Variants in LXN observed in about 807,000 individuals in gnomAD.
LXN encodes the protein MUM.
LXN carries 28 observed loss-of-function variants against 29.8 expected under a neutral mutation model. The observed-to-expected ratio is 0.94, with a 90% CI of 0.70 to 1.29. LXN has a LOEUF of 1.29. Ranked by LOEUF, LXN falls within the 50% of genes most tolerant of loss-of-function variation. The probability of loss-of-function intolerance (pLI) is 0.00; values close to 1 mark genes in which losing one functional copy is unlikely to be tolerated. For synonymous variants in LXN, 77 were observed against 89.6 expected, an observed-to-expected ratio of 0.86 and a Z score of 0.80; for missense variants, 227 against 261.7, an observed-to-expected ratio of 0.87 and a Z score of 0.92.
Position 158,669,579 on chromosome 3 carries a change from A to C in LXN, c.224T>G (p.Leu75Arg). Residue 75 changes from leucine to arginine, a missense_variant, in exon 3 of 6, where the codon CTT becomes CGT. Leu to Arg is a moderately radical substitution (Grantham distance 102). Coordinates refer to ENST00000264265, the MANE Select transcript of LXN (RefSeq NM_020169.4). ...QVKVNCTAEVLYPSTGQETAP... is the reference protein window; with the variant it reads ...QVKVNCTAEVRYPSTGQETAP... ...AGTTTCTTGTCCCGTTGAAGGGTAA[A>C]GTACTTCAGCTGTGCAGTTCACCTT... The C allele has an allele frequency of 6.2e-7, 1 of 1,613,996 alleles. No individual in the cohort carries two copies. The highest frequency in any genetic ancestry group is 8.5e-7 in the Non-Finnish European group (1 of 1,179,930).
At position 158,669,441 on chromosome 3, in the gene LXN, T is replaced by C; in HGVS notation, c.362A>G (p.Asn121Ser). 6.2e-7 allele frequency: 1 copy of C among 1,610,198 alleles called. No individual in the cohort carries two copies. The highest frequency in any genetic ancestry group is 1.7e-4 in the Middle Eastern group (1 of 6,046). ...KSMKEPLEAQ[N>S]IPDNFGNVSP... The stretch of plus-strand genomic sequence containing the variant: ...ATGCCATATTTATATACCTGGAATA[T>C]TTTGTGCTTCTAGCGGTTCCTTCAT... Residue 121 changes from asparagine (N) to serine (S), a missense_variant, in exon 3 of 6, where the codon AAT becomes AGT. Asn to Ser is a conservative substitution (Grantham distance 46). Transcript: ENST00000264265.
intron 2 of LXN, among the ~76,000 whole-genome samples, chr3:158,670,671 G>C (rs1230148764): frequency 6.6e-6 from 1 of 152,234 alleles, no homozygotes; most frequent in African/African-American, 2.4e-5. Context: ...CAGCAAAGAT[G>C]ATCTGGAATA....
At chr3:158,671,357 C>T (rs1026869796) in intron 1 of LXN, among the ~76,000 whole-genome samples, 1 of 152,178 alleles carries the variant, frequency 6.6e-6, no homozygotes, top group Non-Finnish European at 1.5e-5. Flanking sequence ...CTAAAGATGA[C>T]AATATCACCT....
rs1724423100 is a variant in LXN, at chr3:158,672,409, GGTAGTTGAT to G, written c.61_69del (p.Ile21_Tyr23del). On this transcript the variant is annotated inframe_deletion, in exon 1 of 6. Transcript: ENST00000264265. ...AACACCCTGTGCGGGGTCCCCTGCTGGTAGTTGATGTAGTTCTGTGCCACCAAGGCCGCC... is the reference window on the plus strand; with the variant it reads ...AACACCCTGTGCGGGGTCCCCTGCTGGTAGTTCTGTGCCACCAAGGCCGCC... The G allele has an allele frequency of 6.2e-7, 1 of 1,613,974 alleles. No homozygotes were observed. Among genetic ancestry groups the G allele is most frequent in the South Asian group, 1.1e-5 (1 of 91,084 alleles).
intron 4 of LXN, among the ~76,000 whole-genome samples, chr3:158,667,821 C>T (rs1210853700): frequency 6.6e-6 from 1 of 152,076 alleles, no homozygotes; most frequent in Non-Finnish European, 1.5e-5. Flanking sequence ...AACCAGAACA[C>T]CTGAGAATAG....
chr3:158,667,866 A>C (rs1390647387), intron 4 of LXN, among the ~76,000 whole-genome samples: 1 of 152,220 alleles, frequency 6.6e-6, no homozygotes, highest in Non-Finnish European at 1.5e-5. Flanking sequence ...TGATTGTGTA[A>C]TTAAAGCTTT....
chr3:158,668,305 A>G (rs966961915), intron 4 of LXN, among the ~76,000 whole-genome samples: 1 of 152,204 alleles, frequency 6.6e-6, no homozygotes. Context: ...TGTTATATAA[A>G]TAGTTGTTAT....
intron 2 of LXN, 39 bp from the exon 3 acceptor site, chr3:158,669,649 G>A: frequency 2.6e-6 from 4 of 1,547,890 alleles, no homozygotes; most frequent in Non-Finnish European, 3.5e-6. Flanking sequence ...TATACAGAAG[G>A]CTATTCATTA....
rs1270405596 is a variant in LXN at position 158,669,618 on chromosome 3, A to C, written c.193-8T>G. On this transcript the variant is annotated splice_polypyrimidine_tract_variant and splice_region_variant and intron_variant, in intron 2 of 5. Coordinates refer to ENST00000264265, the MANE Select transcript of LXN (RefSeq NM_020169.4). Reference sequence around the variant, plus strand: ...GCAGTTCACCTTAACTTGCTGTTTGAAATTTAGCAAAATATCCTTATATAC... The same window carrying C: ...GCAGTTCACCTTAACTTGCTGTTTGCAATTTAGCAAAATATCCTTATATAC... 1 of 1,611,714 alleles carries C rather than the reference A, an allele frequency of 6.2e-7. No homozygotes were observed. Among genetic ancestry groups the C allele is most frequent in the Non-Finnish European group, 8.5e-7 (1 of 1,178,796 alleles).
chr3:158,672,288 G>A, intron 1 of LXN, 62 bp downstream of exon 1: 2 of 1,595,974 alleles, frequency 1.3e-6, no homozygotes, highest in East Asian at 2.3e-5. Context: ...CTGAGACCGC[G>A]GGTGAGTGGA....
rs1162719075 is a variant in LXN, at chr3:158,669,755, T to C, written c.193-145A>G. 5 of 733,096 alleles carry C rather than the reference T, an allele frequency of 6.8e-6. No homozygotes were observed. The African/African-American group carries it at 9.0e-5, about 13-fold the overall frequency. The allele number at this position is 733,096 out of a possible 1,614,324, so 45.4% of individuals were successfully genotyped here. ...AGTGCTTGTTTTCAGAGGTATCTAA[T>C]TGGGCCTGGCCTATTAAATTCTAGA... On this transcript the variant is annotated intron_variant, in intron 2 of 5. Coordinates refer to ENST00000264265, the MANE Select transcript of LXN (RefSeq NM_020169.4).
Position 158,672,218 on chromosome 3 carries a change from G to A in LXN, c.129+132C>T, listed in dbSNP as rs1194472823. The A allele has an allele frequency of 5.5e-6, 6 of 1,096,760 alleles. No individual in the cohort carries two copies. The South Asian group carries it at 8.7e-5, about 16-fold the overall frequency. The allele number at this position is 1,096,760 out of a possible 1,614,324, so 67.9% of individuals were successfully genotyped here. A position where few individuals can be genotyped will look rare whatever the true frequency, so the allele number is the denominator to read the frequency against. ...CTTAATATCTCAAGACCAGATACCA[G>A]CAGTGTGTCCTAAAACAGAAGGTGG... On this transcript the variant is annotated intron_variant, in intron 1 of 5. Coordinates refer to ENST00000264265, the MANE Select transcript of LXN (RefSeq NM_020169.4).
chr3:158,669,750 T>C (rs1413629825), intron 2 of LXN, 140 bp from the exon 3 acceptor site: 1 of 760,016 alleles, frequency 1.3e-6, no homozygotes, highest in African/African-American at 1.8e-5. Context: ...TTCAGAGGTA[T>C]CTAATTGGGC....
At chr3:158,670,479 T>TGAA (rs1724171797) in intron 2 of LXN, among the ~76,000 whole-genome samples, 1 of 152,234 alleles carries the variant, frequency 6.6e-6, no homozygotes, top group African/African-American at 2.4e-5. Flanking sequence ...TCATTTGAAC[T>TGAA]GAAGTGTATA....
chr3:158,668,818 C>G (rs1723976594), intron 4 of LXN, among the ~76,000 whole-genome samples, 178 bp downstream of exon 4: 1 of 152,194 alleles, frequency 6.6e-6, no homozygotes, highest in African/African-American at 2.4e-5. Context: ...TTGCTTTGGA[C>G]TCTTCCTACA....
In LXN at chr3:158,669,115, A is replaced by G; in HGVS notation, c.388T>C (p.Ser130Pro). 6.2e-7 allele frequency: 1 copy of G among 1,613,490 alleles called. No individual in the cohort carries two copies. Among genetic ancestry groups the G allele is most frequent in the Non-Finnish European group, 8.5e-7 (1 of 1,179,750 alleles). The change falls in exon 4 of 6, where the codon TCT becomes CCT. Residue 130 changes from serine to proline, a missense_variant. Coordinates refer to ENST00000264265, the MANE Select transcript of LXN (RefSeq NM_020169.4). ...QNIPDNFGNV[S>P]PEMTLVLHLA... ...TGTAGAACGAGCGTCATTTCTGGAG[A>G]TACATTTCCAAAATTGTCTGGTAGG...
At chr3:158,670,926 C>T (rs997201511) in intron 2 of LXN, 31 bp downstream of exon 2, 1 of 1,209,836 alleles carries the variant, frequency 8.3e-7, no homozygotes, top group African/African-American at 2.3e-5. Flanking sequence ...GAGTGAGACC[C>T]TGTCTCAAAG....
At chr3:158,669,995 A>T (rs1724124062) in intron 2 of LXN, among the ~76,000 whole-genome samples, 1 of 152,220 alleles carries the variant, frequency 6.6e-6, no homozygotes, top group Non-Finnish European at 1.5e-5. Flanking sequence ...CTGAAATAAC[A>T]AAGTTTTTGA....
At chr3:158,666,813 T>C (rs1723738868) in intron 5 of LXN, 69 bp from the exon 6 acceptor site, 2 of 1,503,690 alleles carry the variant, frequency 1.3e-6, no homozygotes, top group Admixed American at 3.5e-5. Context: ...GTTGGGTTTA[T>C]GTTTTGTTAG....
Sources: gnomAD v4.1 joint callset for allele counts (sites outside exome capture counted in the v4.1 genomes callset) on GRCh38, gnomAD v4.1.1 for gene constraint, MANE v1.5 for transcripts, NCBI Gene and HGNC (gene_info 2026-07-23, HGNC 2026-07-21) for gene names.